SLC25A42: variants seen among roughly 807,000 people sequenced by gnomAD.
The protein encoded by SLC25A42 is solute carrier family 25 member 42, also known as mitochondrial coenzyme A transporter SLC25A42.
A neutral mutation model predicts 34.7 loss-of-function variants in SLC25A42; 19 were observed. That is an observed-to-expected ratio of 0.55 (90% CI 0.38 to 0.80). The LOEUF is 0.80. Among genes scored for constraint, SLC25A42 ranks in the 30% least tolerant of loss-of-function variants. The pLI is 0.00. For synonymous variants in SLC25A42, 205 were observed against 191.2 expected, an observed-to-expected ratio of 1.07 and a Z score of -0.59; for missense variants, 364 against 441.3, an observed-to-expected ratio of 0.82 and a Z score of 1.57.
Position 19,069,929 on chromosome 19 carries a change from G to A in SLC25A42, c.-35+5814G>A, listed in dbSNP as rs373377728. Among the ~76,000 whole-genome samples, 15 of 151,222 alleles carry A rather than the reference G, an allele frequency of 9.9e-5. 1 individual carries two copies. The highest frequency in any genetic ancestry group is 6.3e-4 in the South Asian group (3 of 4,768). ...CAACCTCTGCCTCCCAGGTTCAAGC[G>A]ATTCTCCTGCCTCAGCCTCCCGAGT... On this transcript the variant is annotated intron_variant, in intron 1 of 7. Coordinates refer to ENST00000318596, the MANE Select transcript of SLC25A42 (RefSeq NM_178526.5).
chr19:19,101,260 AC>A (rs1331073937), intron 2 of SLC25A42, among the ~76,000 whole-genome samples: 2 of 151,826 alleles, frequency 1.3e-5, no homozygotes, highest in African/African-American at 4.8e-5. Flanking sequence ...TGTCACTGTC[AC>A]CCCCTCAACT....
intron 5 of SLC25A42, 135 bp downstream of exon 5, chr19:19,105,862 T>TGG (rs2059824412): frequency 1.3e-6 from 1 of 761,344 alleles, no homozygotes; most frequent in Non-Finnish European, 2.0e-6. Context: ...AACGAAACAC[T>TGG]GGGAGACTCC....
In SLC25A42 at chr19:19,064,010, G is replaced by T. The variant is rs966339142; in HGVS notation, c.-140G>T. ...GGGGTGCGCGAGGCGGGGCCGTGGC[G>T]GCTGGAGGTAGCGGCGGCGGCGACG... On this transcript the variant is annotated 5_prime_UTR_variant, in exon 1 of 8. Transcript: ENST00000318596. 6.5e-6 allele frequency: 1 copy of T among 152,936 alleles called. No individual in the cohort carries two copies. The highest frequency in any genetic ancestry group is 1.9e-4 in the South Asian group (1 of 5,244). 9.5% of individuals were successfully genotyped at this position (152,936 alleles called of 1,614,324 possible). A position where few individuals can be genotyped will look rare whatever the true frequency, so the allele number is the denominator to read the frequency against.
chr19:19,106,213 CTG>C (rs2059826707), intron 5 of SLC25A42, 54 bp from the exon 6 acceptor site: 9 of 1,473,602 alleles, frequency 6.1e-6, no homozygotes, highest in African/African-American at 5.5e-5. Flanking sequence ...GGCTGGGCCT[CTG>C]TGCATCTGCA....
intron 2 of SLC25A42, among the ~76,000 whole-genome samples, chr19:19,098,115 C>G (rs2059775331): frequency 6.6e-6 from 1 of 152,180 alleles, no homozygotes; most frequent in Non-Finnish European, 1.5e-5. Context: ...AAACTTCAAC[C>G]CCTCAGTGAT....
intron 1 of SLC25A42, among the ~76,000 whole-genome samples, chr19:19,094,347 T>C (rs2059753565): frequency 6.6e-6 from 1 of 152,212 alleles, no homozygotes; most frequent in African/African-American, 2.4e-5. Flanking sequence ...ATTTTATAGT[T>C]CAGGCTTTCA....
At chr19:19,068,370 A>G (rs571267993) in intron 1 of SLC25A42, among the ~76,000 whole-genome samples, 1 of 145,494 alleles carries the variant, frequency 6.9e-6, no homozygotes, top group African/African-American at 2.6e-5. Flanking sequence ...AAAAAAAAAA[A>G]AGTATATCAT....
intron 1 of SLC25A42, among the ~76,000 whole-genome samples, chr19:19,084,416 GGATGTAT>G (rs2059696966): frequency 6.6e-6 from 1 of 152,194 alleles, no homozygotes; most frequent in Non-Finnish European, 1.5e-5. Flanking sequence ...CTATGGCGGT[GGATGTAT>G]AGCATCACAT....
intron 1 of SLC25A42, among the ~76,000 whole-genome samples, chr19:19,095,751 G>A (rs2059761052): frequency 6.6e-6 from 1 of 152,224 alleles, no homozygotes; most frequent in South Asian, 2.1e-4. Flanking sequence ...TGTTTGGCCT[G>A]ACAGTGGTGT....
At chr19:19,102,508 C>T (rs2059803321) in intron 3 of SLC25A42, among the ~76,000 whole-genome samples, 1 of 151,922 alleles carries the variant, frequency 6.6e-6, no homozygotes, top group Admixed American at 6.6e-5. Flanking sequence ...TTTTGGGAGG[C>T]CAAGGCAGGC....
chr19:19,065,781 A>G (rs944136661), intron 1 of SLC25A42, among the ~76,000 whole-genome samples: 7 of 152,234 alleles, frequency 4.6e-5, no homozygotes, highest in African/African-American at 7.2e-5. Context: ...GTTTATATAC[A>G]TATTTTATAT....
In SLC25A42 at chr19:19,096,111, C is replaced by G. The variant is rs776651957; in HGVS notation, c.-14C>G. ...CCCAGGACCGAGTCTCCTGCCATTC[C>G]GAGCAGGCCTGGTATGGGTAATGGT... On this transcript the variant is annotated 5_prime_UTR_variant, in exon 2 of 8. Transcript: ENST00000318596. 6.2e-7 allele frequency: 1 copy of G among 1,613,224 alleles called. No individual in the cohort carries two copies. Among genetic ancestry groups the G allele is most frequent in the East Asian group, 2.2e-5 (1 of 44,872 alleles).
At chr19:19,090,641 G>A (rs185319601) in intron 1 of SLC25A42, among the ~76,000 whole-genome samples, 2,157 of 152,030 alleles carry the variant, frequency 0.014, 47 homozygotes, top group African/African-American at 0.047. Flanking sequence ...GTGAGACCCC[G>A]TCTCAAAACA....
At chr19:19,104,803 TG>T in intron 3 of SLC25A42, 109 bp from the exon 4 acceptor site, 1 of 1,239,364 alleles carries the variant, frequency 8.1e-7, no homozygotes, top group Admixed American at 1.8e-5. Context: ...GGGACAAGAT[TG>T]GGGGGAAAAG....
At chr19:19,078,914 C>T (rs111340582) in intron 1 of SLC25A42, among the ~76,000 whole-genome samples, 33 of 151,958 alleles carry the variant, frequency 2.2e-4, no homozygotes, top group Middle Eastern at 3.4e-3. Flanking sequence ...TGCAGTGGCG[C>T]GCTCTTGGCT....
chr19:19,101,985 G>T, intron 3 of SLC25A42, 99 bp downstream of exon 3: 1 of 722,606 alleles, frequency 1.4e-6, no homozygotes, highest in Non-Finnish European at 2.2e-6. Context: ...TTTATTTTTA[G>T]ATTTATTTTA....
intron 1 of SLC25A42, among the ~76,000 whole-genome samples, chr19:19,094,666 C>T (rs908344535): frequency 2.0e-5 from 3 of 152,180 alleles, no homozygotes; most frequent in Non-Finnish European, 2.9e-5. Flanking sequence ...CGTCACTCAC[C>T]GGCACTGATG....
chr19:19,107,868 C>T lies in SLC25A42; in HGVS notation c.498-26C>T. ...CTGTGCCTGGGAGGCCTGAGTCCCA[C>T]CTGCTGGGCTGCTCTGTCCTGGCAG... On this transcript the variant is annotated intron_variant, in intron 6 of 7. Coordinates refer to ENST00000318596, the MANE Select transcript of SLC25A42 (RefSeq NM_178526.5). 2.5e-6 allele frequency: 4 copies of T among 1,613,154 alleles called. No homozygotes were observed. The South Asian group carries it at 4.4e-5, about 18-fold the overall frequency.
rs1277636133 is a variant in SLC25A42, at chr19:19,111,743, C to T, written c.*867C>T. The T allele has an allele frequency of 6.6e-6, 1 of 152,436 alleles. No homozygotes were observed. Among genetic ancestry groups the T allele is most frequent in the Admixed American group, 6.5e-5 (1 of 15,284 alleles). The allele number at this position is 152,436 out of a possible 1,614,324, so 9.4% of individuals were successfully genotyped here. ...CCTTTGGCCCAGAAGCCCCCCAGGCCTAGCATCTCAGTGCCCCAACCCTCT... is the reference window on the plus strand; with the variant it reads ...CCTTTGGCCCAGAAGCCCCCCAGGCTTAGCATCTCAGTGCCCCAACCCTCT... On this transcript the variant is annotated 3_prime_UTR_variant, in exon 8 of 8. Transcript: ENST00000318596.
Sources: allele counts gnomAD v4.1 joint callset (sites outside exome capture counted in the v4.1 genomes callset), GRCh38; gene constraint gnomAD v4.1.1; transcripts MANE v1.5; gene names NCBI Gene and HGNC (gene_info 2026-07-23, HGNC 2026-07-21).